The following CUL7 variants were observed in gnomAD, a reference collection of about 807,000 sequenced individuals.
CUL7 encodes cullin 7.
Under a neutral mutation model 177.7 loss-of-function variants are expected in CUL7, and 96 were observed. The ratio of observed to expected loss-of-function variants is 0.54; its 90% CI spans 0.46 to 0.64. The LOEUF (loss-of-function observed/expected upper bound fraction) is 0.64. Among genes scored for constraint, CUL7 ranks in the 30% least tolerant of loss-of-function variants. The pLI is 0.00. For synonymous variants in CUL7, 824 were observed against 890.2 expected (o/e 0.93, Z 1.32); for missense variants, 1,893 against 2,187.9 (o/e 0.87, Z 2.69).
rs531068723 is a variant in CUL7, at chr6:43,052,495, C to A, written c.294G>T (p.Glu98Asp). The stretch of plus-strand genomic sequence containing the variant: ...GCACAGATTTGTCCAGGGCCCCAAC[C>A]TCCCCTGCAGACTCCTGGGAGGGCC... ...VIGPSQESAG[E>D]VGALDKSVLE... The change falls in exon 2 of 26, where the codon GAG (glutamate) becomes GAT (aspartate). Residue 98 changes from glutamate to aspartate, a missense_variant. By Grantham distance (45) the Glu-to-Asp change is conservative. Around this residue, in one of 5 missense-constraint regions of CUL7, gnomAD observed 653 missense variants for 725.2 expected, o/e 0.90. Transcript: ENST00000265348. The surrounding 1 kb of genome is among the most constrained non-coding windows in gnomAD (Gnocchi z 4.5). The A allele has an allele frequency of 6.2e-7, 1 of 1,614,090 alleles. No homozygotes were observed.
rs765764985 is a variant in CUL7, at chr6:43,048,170, C to T, written c.2147G>A (p.Arg716Gln). ...TACCTCTCGATCAGTGTTTGGGGAC[C>T]GCAGGCAGGCCATGCAGGCATCCAC... Reference protein sequence around the residue: ...EAVDACMACLRSPNTDREVLQ... With the variant: ...EAVDACMACLQSPNTDREVLQ... The change falls in exon 9 of 26, where the codon CGG (arginine) becomes CAG (glutamine). Residue 716 changes from arginine to glutamine, a missense_variant. Transcript: ENST00000265348. 19 of 1,612,688 alleles carry T rather than the reference C, an allele frequency of 1.2e-5. No homozygotes were observed. Among genetic ancestry groups the T allele is most frequent in the Non-Finnish European group, 1.5e-5 (18 of 1,178,902 alleles).
In CUL7 at chr6:43,045,029, T is replaced by G; in HGVS notation, c.3039-144A>C. The G allele has an allele frequency of 7.3e-7, 1 of 1,368,522 alleles. No homozygotes were observed. Among genetic ancestry groups the G allele is most frequent in the Non-Finnish European group, 1.0e-6 (1 of 994,994 alleles). 84.8% of individuals were successfully genotyped at this position (1,368,522 alleles called of 1,614,324 possible). ...TTCAGAACTGCTCTGTGCTAACTGGTATATCCCATTCCCAGCCCACTGGAG... is the reference window on the plus strand; with the variant it reads ...TTCAGAACTGCTCTGTGCTAACTGGGATATCCCATTCCCAGCCCACTGGAG... On this transcript the variant is annotated intron_variant, in intron 15 of 25. Transcript: ENST00000265348. The surrounding 1 kb of genome is among the most constrained non-coding windows in gnomAD (Gnocchi z 4.8).
rs1264161391 is a variant in CUL7, at chr6:43,050,670, C to T, written c.1234-272G>A. Among the ~76,000 whole-genome samples, 1 of 151,772 alleles carries T rather than the reference C, an allele frequency of 6.6e-6. No individual in the cohort carries two copies. The highest frequency in any genetic ancestry group is 1.9e-4 in the East Asian group (1 of 5,174). On this transcript the variant is annotated intron_variant, in intron 4 of 25. Coordinates refer to ENST00000265348, the MANE Select transcript of CUL7 (RefSeq NM_014780.5). The surrounding 1 kb of genome is among the most constrained non-coding windows in gnomAD (Gnocchi z 4.1). ...CTCACCCTGTCTTTCATGGCTTATGCCCCCACACTTCCTTCTGGCCTCCAC... is the reference window on the plus strand; with the variant it reads ...CTCACCCTGTCTTTCATGGCTTATGTCCCCACACTTCCTTCTGGCCTCCAC...
chr6:43,046,614 C>T lies in CUL7; in HGVS notation c.2398-13G>A, dbSNP rs768456311. 10 of 1,614,018 alleles carry T rather than the reference C, an allele frequency of 6.2e-6. No individual in the cohort carries two copies. Among genetic ancestry groups the T allele is most frequent in the African/African-American group, 2.7e-5 (2 of 74,914 alleles). On this transcript the variant is annotated splice_polypyrimidine_tract_variant and intron_variant, in intron 10 of 25. Transcript: ENST00000265348. ...GGCCCAGCACCATCTGCAGCCAGAA[C>T]ATCAGAGAGAAGGGGCACAGGGGCA...
chr6:43,042,266 C>G (rs1311057200), intron 19 of CUL7, among the ~76,000 whole-genome samples: 1 of 152,164 alleles, frequency 6.6e-6, no homozygotes, highest in Non-Finnish European at 1.5e-5. Flanking sequence ...GCCTCATGTT[C>G]CTGCTGCTCT....
Position 43,040,144 on chromosome 6 carries a change from C to T in CUL7, c.4294+12G>A, listed in dbSNP as rs1041995238. On this transcript the variant is annotated intron_variant, in intron 22 of 25. Coordinates refer to ENST00000265348, the MANE Select transcript of CUL7 (RefSeq NM_014780.5). The surrounding 1 kb of genome is among the most constrained non-coding windows in gnomAD (Gnocchi z 4.2). ...TCTCCCCAGTCCCCAGTCCCTCTGC[C>T]TGGCTGCTCACTCTTGTTGTAGAAG... 7 of 1,614,204 alleles carry T rather than the reference C, an allele frequency of 4.3e-6. No individual in the cohort carries two copies. Among genetic ancestry groups the T allele is most frequent in the African/African-American group, 1.3e-5 (1 of 75,054 alleles).
At chr6:43,044,152 A>G (rs1763688997) in intron 16 of CUL7, among the ~76,000 whole-genome samples, 1 of 152,064 alleles carries the variant, frequency 6.6e-6, no homozygotes, top group Non-Finnish European at 1.5e-5. Flanking sequence ...GAGAAACCCC[A>G]TCTCTACTAA....
At position 43,038,976 on chromosome 6, in the gene CUL7, G is replaced by A; in HGVS notation, c.4306C>T (p.Pro1436Ser). The A allele has an allele frequency of 6.2e-7, 1 of 1,610,150 alleles. No homozygotes were observed. Among genetic ancestry groups the A allele is most frequent in the Non-Finnish European group, 8.5e-7 (1 of 1,176,394 alleles). Residue 1436 changes from proline (P) to serine (S), a missense_variant, in exon 23 of 26, where the codon CCT becomes TCT. Transcript: ENST00000265348. Reference sequence around the variant, plus strand: ...CTCTGTGAGCCTCGCTCAAGGGCAGGGTGGCTCTGACCTGGACCAGGAAGG... The same window carrying A: ...CTCTGTGAGCCTCGCTCAAGGGCAGAGTGGCTCTGACCTGGACCAGGAAGG... Reference protein sequence around the residue: ...SNFYNKSQSHPALERGSQRRL... With the variant: ...SNFYNKSQSHSALERGSQRRL...
At position 43,052,047 on chromosome 6, in the gene CUL7, C is replaced by G; in HGVS notation, c.580+162G>C. 1 of 1,348,920 alleles carries G rather than the reference C, an allele frequency of 7.4e-7. No individual in the cohort carries two copies. 83.6% of individuals were successfully genotyped at this position (1,348,920 alleles called of 1,614,324 possible). On this transcript the variant is annotated intron_variant, in intron 2 of 25. Transcript: ENST00000265348. The surrounding 1 kb of genome is among the most constrained non-coding windows in gnomAD (Gnocchi z 4.5). ...CCTCTTTTGGCAGATAACCCCCACC[C>G]TCACTCCCATGCCCACCTCCTTTTC...
At position 43,053,757 on chromosome 6, in the gene CUL7, CCT is replaced by C. The variant is rs1764674724; in HGVS notation, c.-146_-145del. ...AGACGGAGAGACGGGAGGGGGCGTG[CCT>C]CCGCGGAACAGAGCTGCACCCGCGT... On this transcript the variant is annotated 5_prime_UTR_variant, in exon 1 of 26. Transcript: ENST00000265348. This position sits in a 1 kb window ranked among gnomAD's most constrained non-coding sequence, Gnocchi z 4.1. 6.7e-7 allele frequency: 1 copy of C among 1,500,870 alleles called. No individual in the cohort carries two copies. Among genetic ancestry groups the C allele is most frequent in the African/African-American group, 1.4e-5 (1 of 70,760 alleles). 93.0% of individuals were successfully genotyped at this position (1,500,870 alleles called of 1,614,324 possible). A position where few individuals can be genotyped will look rare whatever the true frequency, so the allele number is the denominator to read the frequency against.
chr6:43,048,323 T>C lies in CUL7; in HGVS notation c.2063+9A>G, dbSNP rs767735275. On this transcript the variant is annotated intron_variant, in intron 8 of 25. Coordinates refer to ENST00000265348, the MANE Select transcript of CUL7 (RefSeq NM_014780.5). ...CCCTCAGAGATCCCACCTGTCACCA[T>C]GCTCTCACCTCAGCACAGTCAGGTG... 10 of 1,599,636 alleles carry C rather than the reference T, an allele frequency of 6.3e-6. No individual in the cohort carries two copies. In the East Asian group the frequency reaches 2.0e-4, roughly 32 times the overall value.
rs1227384977 is a variant in CUL7 at position 43,037,986 on chromosome 6, G to A, written c.4799C>T (p.Pro1600Leu). 24 of 1,594,118 alleles carry A rather than the reference G, an allele frequency of 1.5e-5. No individual in the cohort carries two copies. The highest frequency in any genetic ancestry group is 1.9e-5 in the Non-Finnish European group (22 of 1,168,862). The change falls in exon 26 of 26, where the codon CCG becomes CTG. Residue 1600 changes from proline (P) to leucine (L), a missense_variant. Around this residue, in one of 5 missense-constraint regions of CUL7, gnomAD observed 248 missense variants for 262.5 expected, o/e 0.94. Transcript: ENST00000265348. Reference sequence around the variant, plus strand: ...GCTGACCAAACCCCTGGGAGGACACGGGCCCTTCTGCCAAGCCTCCAGCAC... The same window carrying A: ...GCTGACCAAACCCCTGGGAGGACACAGGCCCTTCTGCCAAGCCTCCAGCAC... Reference protein sequence around the residue: ...CLVLEAWQKGPCPPRGLVSSL... With the variant: ...CLVLEAWQKGLCPPRGLVSSL...
In CUL7 at chr6:43,043,140, G is replaced by C; in HGVS notation, c.3396C>G (p.Thr1132=). The C allele has an allele frequency of 3.1e-6, 5 of 1,614,068 alleles. No homozygotes were observed. The highest frequency in any genetic ancestry group is 4.2e-6 in the Non-Finnish European group (5 of 1,180,026). ...NRSHDWSSLA[T]RGLPSSIMRN... ...TCATGATGCTGCTTGGAAGGCCCCG[G>C]GTAGCCAAGGAGCTCCAGTCGTGGC... The change falls in exon 18 of 26, where the codon ACC becomes ACG. Residue 1132 remains threonine (T), a synonymous_variant. Transcript: ENST00000265348. This position sits in a 1 kb window ranked among gnomAD's most constrained non-coding sequence, Gnocchi z 4.2.
At chr6:43,046,483 G>A (rs758455476) in intron 11 of CUL7, 28 bp downstream of exon 11, 2 of 1,614,146 alleles carry the variant, frequency 1.2e-6, no homozygotes, top group Non-Finnish European at 1.7e-6. Context: ...GTGTGGGGAG[G>A]TGGAGCAACA....
At position 43,053,824 on chromosome 6, in the gene CUL7, G is replaced by C. The variant is rs1163328246; in HGVS notation, c.-211C>G. The stretch of plus-strand genomic sequence containing the variant: ...TGGGGCAGGGTGGGGCCCGGTCCCT[G>C]CCAGCGGCTCCGCCAGCCAAAAGCC... On this transcript the variant is annotated 5_prime_UTR_variant, in exon 1 of 26. Transcript: ENST00000265348. This position sits in a 1 kb window ranked among gnomAD's most constrained non-coding sequence, Gnocchi z 4.1. The C allele has an allele frequency of 9.1e-6, 14 of 1,532,836 alleles. No individual in the cohort carries two copies. Among genetic ancestry groups the C allele is most frequent in the Non-Finnish European group, 1.2e-5 (14 of 1,146,292 alleles). 95.0% of individuals were successfully genotyped at this position (1,532,836 alleles called of 1,614,324 possible).
In CUL7 at chr6:43,045,667, A is replaced by T; in HGVS notation, c.2782T>A (p.Ser928Thr). The T allele has an allele frequency of 6.2e-7, 1 of 1,614,194 alleles. No homozygotes were observed. Among genetic ancestry groups the T allele is most frequent in the Non-Finnish European group, 8.5e-7 (1 of 1,180,024 alleles). ...TCCAGGAGGATCACCCGGCTGGCAG[A>T]GGGCATCACATTCACCTGGCAGGGG... ...TELNSVNVMP[S>T]ASRVILLENL... The change falls in exon 14 of 26, where the codon TCT (serine) becomes ACT (threonine). Residue 928 changes from serine to threonine, a missense_variant. This residue lies in a region of CUL7 where 973 missense variants were observed against 1,140.9 expected (regional missense o/e 0.85). Transcript: ENST00000265348. This position sits in a 1 kb window ranked among gnomAD's most constrained non-coding sequence, Gnocchi z 4.8.
At chr6:43,041,911 G>A (rs955162888) in intron 19 of CUL7, among the ~76,000 whole-genome samples, 5 of 151,482 alleles carry the variant, frequency 3.3e-5, no homozygotes, top group Non-Finnish European at 7.4e-5. Context: ...GGTTGAGGCA[G>A]GAGAATCGCT....
rs371813823 is a variant in CUL7, at chr6:43,043,652, C to T, written c.3173-22G>A. Reference sequence around the variant, plus strand: ...TCATCTAGAGGGTGAGATAAACAAACCAAGGCACAGCCATGTCTGCAGGGA... The same window carrying T: ...TCATCTAGAGGGTGAGATAAACAAATCAAGGCACAGCCATGTCTGCAGGGA... On this transcript the variant is annotated intron_variant, in intron 16 of 25. Transcript: ENST00000265348. This position sits in a 1 kb window ranked among gnomAD's most constrained non-coding sequence, Gnocchi z 4.2. 1.4e-5 allele frequency: 21 copies of T among 1,536,846 alleles called. No homozygotes were observed. Among genetic ancestry groups the T allele is most frequent in the African/African-American group, 8.2e-5 (6 of 73,394 alleles).
In CUL7 at chr6:43,042,879, G is replaced by A. The variant is rs902734461; in HGVS notation, c.3568C>T (p.Arg1190Trp). The A allele has an allele frequency of 6.8e-6, 11 of 1,613,902 alleles. No homozygotes were observed. The highest frequency in any genetic ancestry group is 8.5e-6 in the Non-Finnish European group (10 of 1,179,946). ...TGCAGCGCCAGCAAGAAGGCTGCCC[G>A]AGGCCCAAACAGTTCAGAGCTTGAG... ...QNSSSELFGPRAAFLLALQNG... is the reference protein window; with the variant it reads ...QNSSSELFGPWAAFLLALQNG... The change falls in exon 19 of 26, where the codon CGG (arginine) becomes TGG (tryptophan). Residue 1190 changes from arginine (R) to tryptophan (W), a missense_variant. By Grantham distance (101) the Arg-to-Trp change is moderately radical. Transcript: ENST00000265348.
Sources: allele counts gnomAD v4.1 joint callset (sites outside exome capture counted in the v4.1 genomes callset), GRCh38; gene constraint gnomAD v4.1.1; regional missense constraint gnomAD v4.1.1; non-coding constraint Gnocchi (gnomAD v3.1); transcripts MANE v1.5; gene names NCBI Gene and HGNC (gene_info 2026-07-23, HGNC 2026-07-21).